The following NREP variants were observed in gnomAD, a reference collection of about 807,000 sequenced individuals.
NREP encodes the protein neuronal regeneration-related protein.
A neutral mutation model predicts 8.6 loss-of-function variants in NREP; 5 were observed. That is an observed-to-expected ratio of 0.58 (90% CI 0.30 to 1.22). NREP has a LOEUF of 1.22. NREP is among the 50% of genes most tolerant of loss of function. The pLI is 0.07. For synonymous variants in NREP, 27 were observed against 28.0 expected, an observed-to-expected ratio of 0.96 and a Z score of 0.11; for missense variants, 86 against 82.5, an observed-to-expected ratio of 1.04 and a Z score of -0.17.
chr5:111,738,915 A>G (rs1749401578), intron 2 of NREP: 1 of 152,282 alleles, frequency 6.6e-6, no homozygotes, highest in African/African-American at 2.4e-5. Flanking sequence ...CACAGAGGAA[A>G]GACCATATGA....
intron 2 of NREP, among the ~76,000 whole-genome samples, chr5:111,900,283 C>A (rs1361874680): frequency 6.6e-6 from 1 of 151,692 alleles, no homozygotes; most frequent in Non-Finnish European, 1.5e-5. Flanking sequence ...ACAGCAAAAG[C>A]AGTGCTGAGA....
chr5:111,755,459 G>A (rs1361676117), intron 2 of NREP: 4 of 369,824 alleles, frequency 1.1e-5, no homozygotes, highest in African/African-American at 2.1e-5. Flanking sequence ...CTCCATGCGT[G>A]TCACAACACA....
intron 2 of NREP, among the ~76,000 whole-genome samples, chr5:111,801,782 T>C (rs1225704127): frequency 6.6e-6 from 1 of 152,236 alleles, no homozygotes; most frequent in African/African-American, 2.4e-5. Flanking sequence ...AACTTAAGTT[T>C]TATACTTCTT....
chr5:111,742,835 G>A (rs1749766364), intron 2 of NREP, among the ~76,000 whole-genome samples: 1 of 151,964 alleles, frequency 6.6e-6, no homozygotes. Flanking sequence ...TTAGCACAAA[G>A]CAATCCACCT....
chr5:111,836,977 G>A (rs1165577623), intron 2 of NREP, among the ~76,000 whole-genome samples: 1 of 152,060 alleles, frequency 6.6e-6, no homozygotes, highest in East Asian at 1.9e-4. Context: ...GAGGAAGAAA[G>A]AAGACTTGAA....
At chr5:111,738,881 T>C (rs1749397658) in intron 2 of NREP, 1 of 152,134 alleles carries the variant, frequency 6.6e-6, no homozygotes, top group Non-Finnish European at 1.5e-5. Flanking sequence ...CATGTCCTTC[T>C]AAGAAGAGAT....
chr5:111,901,651 T>A (rs1452020086), intron 2 of NREP, among the ~76,000 whole-genome samples: 1 of 152,098 alleles, frequency 6.6e-6, no homozygotes, highest in Non-Finnish European at 1.5e-5. Flanking sequence ...AAATCAGTAG[T>A]GTTTCTAGAC....
chr5:111,850,539 T>G (rs1277230597), intron 2 of NREP, among the ~76,000 whole-genome samples: 1 of 152,164 alleles, frequency 6.6e-6, no homozygotes, highest in Non-Finnish European at 1.5e-5. Flanking sequence ...TATTTTTTTT[T>G]CTACCTTGTC....
chr5:111,748,880 T>C (rs576951434), intron 2 of NREP, among the ~76,000 whole-genome samples: 1 of 152,184 alleles, frequency 6.6e-6, no homozygotes, highest in African/African-American at 2.4e-5. Context: ...CATGCAGAAA[T>C]AAGCCAGCCG....
chr5:111,900,964 A>T (rs1031925403), intron 2 of NREP, among the ~76,000 whole-genome samples: 2 of 152,166 alleles, frequency 1.3e-5, no homozygotes, highest in African/African-American at 2.4e-5. Flanking sequence ...AATAAAGAAA[A>T]CTGCATGCCA....
chr5:111,903,377 A>G (rs1198971329), intron 2 of NREP, among the ~76,000 whole-genome samples: 2 of 151,918 alleles, frequency 1.3e-5, no homozygotes, highest in African/African-American at 4.8e-5. Flanking sequence ...GAGCCACGGC[A>G]CCCAGCTCTC....
chr5:111,863,724 G>A (rs371937750), intron 2 of NREP, among the ~76,000 whole-genome samples: 1 of 152,124 alleles, frequency 6.6e-6, no homozygotes, highest in Admixed American at 6.6e-5. Context: ...GTGATGAGAA[G>A]TTGAATAACA....
At position 111,742,779 on chromosome 5, in the gene NREP, C is replaced by T. The variant is rs532321366; in HGVS notation, c.4-7272G>A. ...TGCAAACATTTACGTTGTGCAACAT[C>T]GTGTTCCTCTCATTCCAGCCCCATT... On this transcript the variant is annotated intron_variant, in intron 2 of 3. Coordinates refer to ENST00000257435, the MANE Select transcript of NREP (RefSeq NM_004772.4). 3.9e-5 allele frequency among the ~76,000 whole-genome samples: 6 copies of T among 152,134 alleles called. No homozygotes were observed. The East Asian group carries it at 5.8e-4, about 15-fold the overall frequency.
chr5:111,838,846 A>G (rs567319817), intron 2 of NREP, among the ~76,000 whole-genome samples: 53 of 152,198 alleles, frequency 3.5e-4, no homozygotes, highest in Non-Finnish European at 6.9e-4. Flanking sequence ...AAATAGATAC[A>G]TATGTGTAGC....
chr5:111,757,521 T>A, upstream of NREP: 2 of 984,832 alleles, frequency 2.0e-6, no homozygotes, highest in Non-Finnish European at 2.4e-6. Context: ...CGCCCCAGCC[T>A]TGCTGCCACT....
At chr5:111,869,796 T>C (rs763029909) in intron 2 of NREP, among the ~76,000 whole-genome samples, 31 of 152,148 alleles carry the variant, frequency 2.0e-4, no homozygotes, top group Admixed American at 7.2e-4. Context: ...AATTTGTTTC[T>C]TAACTGATGA....
intron 2 of NREP, among the ~76,000 whole-genome samples, chr5:111,767,975 G>C (rs1167837603): frequency 6.6e-6 from 1 of 152,080 alleles, no homozygotes; most frequent in Non-Finnish European, 1.5e-5. Context: ...TGTAGTACAT[G>C]TTTAATATGA....
chr5:111,911,719 T>C (rs536978463), intron 2 of NREP, among the ~76,000 whole-genome samples: 14 of 152,242 alleles, frequency 9.2e-5, no homozygotes, highest in South Asian at 2.1e-4. Context: ...AGGGTCTATT[T>C]TTTTGACCAT....
chr5:111,817,668 A>G (rs1335597637), intron 2 of NREP, among the ~76,000 whole-genome samples: 3 of 151,012 alleles, frequency 2.0e-5, no homozygotes. Flanking sequence ...AGCCGGGCGT[A>G]GTGGCGGGCG....
Sources: allele counts gnomAD v4.1 joint callset (sites outside exome capture counted in the v4.1 genomes callset), GRCh38; gene constraint gnomAD v4.1.1; transcripts MANE v1.5; gene names NCBI Gene and HGNC (gene_info 2026-07-23, HGNC 2026-07-21).